The following RMC1 variants were observed in gnomAD, a reference collection of about 807,000 sequenced individuals.
RMC1 encodes the protein regulator of MON1-CCZ1 complex.
A neutral mutation model predicts 95.5 loss-of-function variants in RMC1; 44 were observed. The ratio of observed to expected loss-of-function variants is 0.46; its 90% CI spans 0.36 to 0.59. The LOEUF (loss-of-function observed/expected upper bound fraction) is 0.59, where lower values mean the gene tolerates loss of function less well. Among genes scored for constraint, RMC1 ranks in the 20% least tolerant of loss-of-function variants. RMC1 has a pLI of 0.00. For missense variants in RMC1, 705 were observed against 819.6 expected, an observed-to-expected ratio of 0.86 and a Z score of 1.71; for synonymous variants, 320 against 303.6, an observed-to-expected ratio of 1.05 and a Z score of -0.56.
At chr18:23,511,020 T>C (rs2057842159) in intron 5 of RMC1, among the ~76,000 whole-genome samples, 1 of 152,240 alleles carries the variant, frequency 6.6e-6, no homozygotes, top group African/African-American at 2.4e-5. Context: ...TAAAGGCACA[T>C]GCACGTGAAT....
intron 4 of RMC1, 93 bp downstream of exon 4, chr18:23,508,134 C>A: frequency 8.4e-7 from 1 of 1,186,408 alleles, no homozygotes; most frequent in Non-Finnish European, 1.2e-6. Flanking sequence ...GCAGGGAGCA[C>A]AGACTTGAAG....
At chr18:23,507,910 TGTA>T (rs2057754304) in intron 3 of RMC1, 72 bp from the exon 4 acceptor site, 2 of 1,345,106 alleles carry the variant, frequency 1.5e-6, no homozygotes, top group Admixed American at 2.1e-5. Flanking sequence ...TTTCTTGTCT[TGTA>T]GTATGCCAAC....
At position 23,516,432 on chromosome 18, in the gene RMC1, G is replaced by A. The variant is rs185178985; in HGVS notation, c.653+9G>A. On this transcript the variant is annotated intron_variant, in intron 7 of 19. Transcript: ENST00000269221. ...ATCGCAATGGCTACCATGTATGTCC[G>A]TGTCAGAGAGAATTCCATCCTGTGA... The A allele has an allele frequency of 3.8e-5, 61 of 1,611,632 alleles. No homozygotes were observed. The African/African-American group carries it at 5.5e-4, about 14-fold the overall frequency.
chr18:23,515,900 T>C lies in RMC1; in HGVS notation c.453T>C (p.Asn151=). The C allele has an allele frequency of 6.2e-7, 1 of 1,614,112 alleles. No individual in the cohort carries two copies. Among genetic ancestry groups the C allele is most frequent in the Non-Finnish European group, 8.5e-7 (1 of 1,180,012 alleles). The part of the protein sequence containing the change: ...KRSLKLLKSH[N]LNVNWYMYCP... Reference sequence around the variant, plus strand: ...GTCTGAAACTCTTGAAGAGCCACAATCTCAATGTGAATTGGTACATGTACT... The same window carrying C: ...GTCTGAAACTCTTGAAGAGCCACAACCTCAATGTGAATTGGTACATGTACT... The change falls in exon 6 of 20, where the codon AAT becomes AAC. Residue 151 remains asparagine (N), a synonymous_variant. Coordinates refer to ENST00000269221, the MANE Select transcript of RMC1 (RefSeq NM_013326.5).
chr18:23,510,289 C>T (rs1598849118), intron 5 of RMC1, among the ~76,000 whole-genome samples: 1 of 151,254 alleles, frequency 6.6e-6, no homozygotes, highest in African/African-American at 2.4e-5. Flanking sequence ...CACAGCACTG[C>T]ACTCCAGCCT....
chr18:23,503,740 C>T lies in RMC1; in HGVS notation c.102+20C>T, dbSNP rs375742767. ...AAGCAGGTCCGGCGCGCCCGCGCTT[C>T]CTCCCCCGCGCGGCCCTGCCGGGGT... On this transcript the variant is annotated intron_variant, in intron 1 of 19. Transcript: ENST00000269221. The T allele has an allele frequency of 1.4e-5, 22 of 1,578,296 alleles. No homozygotes were observed. In the African/African-American group the frequency reaches 1.6e-4, roughly 11 times the overall value.
intron 11 of RMC1, 53 bp from the exon 12 acceptor site, chr18:23,524,376 G>A (rs780004220): frequency 6.3e-7 from 1 of 1,599,072 alleles, no homozygotes; most frequent in Non-Finnish European, 8.6e-7. Context: ...CGGAAACTGG[G>A]TTTGCTTTTT....
chr18:23,505,484 A>G (rs1218147860), intron 2 of RMC1, among the ~76,000 whole-genome samples: 3 of 152,218 alleles, frequency 2.0e-5, no homozygotes, highest in Non-Finnish European at 2.9e-5. Flanking sequence ...TGGTGTGGCC[A>G]CTGGCAGGGG....
chr18:23,503,844 G>A (rs2057651643), intron 1 of RMC1, 124 bp downstream of exon 1: 1 of 804,928 alleles, frequency 1.2e-6, no homozygotes, highest in Non-Finnish European at 1.8e-6. Context: ...TCCCAGCGCG[G>A]GAGGCGGCGC....
At chr18:23,504,253 G>T (rs1280650359) in intron 1 of RMC1, 118 bp from the exon 2 acceptor site, 2 of 793,836 alleles carry the variant, frequency 2.5e-6, no homozygotes, top group African/African-American at 1.7e-5. Flanking sequence ...GATATGTGCC[G>T]TGTTACTTTA....
intron 12 of RMC1, among the ~76,000 whole-genome samples, chr18:23,525,187 C>G (rs1470017853): frequency 6.6e-6 from 1 of 151,818 alleles, no homozygotes; most frequent in Admixed American, 6.6e-5. Flanking sequence ...CTCAGGTGAT[C>G]CGCCTGCCTC....
At chr18:23,519,197 C>T (rs2145205782) in intron 9 of RMC1, 23 bp downstream of exon 9, 1 of 1,601,284 alleles carries the variant, frequency 6.2e-7, no homozygotes, top group South Asian at 1.1e-5. Context: ...TGCGTTTCTA[C>T]CAAAGTTAAG....
In RMC1 at chr18:23,527,888, A is replaced by G. The variant is rs2058352785; in HGVS notation, c.1283A>G (p.Gln428Arg). The G allele has an allele frequency of 1.2e-6, 2 of 1,613,890 alleles. No individual in the cohort carries two copies. The highest frequency in any genetic ancestry group is 1.3e-5 in the African/African-American group (1 of 75,046). The stretch of plus-strand genomic sequence containing the variant: ...TATAAAAAGTACCTGGATGCCGAGC[A>G]GAGTTATGCGATGGTGAGTTACATG... ...HEYKKYLDAE[Q>R]SYAMAVEAGQ... The change falls in exon 14 of 20, where the codon CAG becomes CGG. Residue 428 changes from glutamine to arginine, a missense_variant. Physicochemically the swap from Gln to Arg is conservative, Grantham distance 43. Coordinates refer to ENST00000269221, the MANE Select transcript of RMC1 (RefSeq NM_013326.5).
intron 3 of RMC1, 41 bp from the exon 4 acceptor site, chr18:23,507,944 C>A: frequency 6.3e-7 from 1 of 1,595,740 alleles, no homozygotes; most frequent in Admixed American, 1.7e-5. Flanking sequence ...AGTATGCTGC[C>A]TAATCCAAAT....
intron 5 of RMC1, among the ~76,000 whole-genome samples, chr18:23,515,362 G>A (rs1567919512): frequency 6.6e-6 from 1 of 152,136 alleles, no homozygotes; most frequent in Non-Finnish European, 1.5e-5. Context: ...CCTCTCAGTC[G>A]TGGCAAAGAG....
At chr18:23,511,725 T>C (rs983063147) in intron 5 of RMC1, among the ~76,000 whole-genome samples, 1 of 152,022 alleles carries the variant, frequency 6.6e-6, no homozygotes, top group Non-Finnish European at 1.5e-5. Flanking sequence ...AGTATTCCAC[T>C]GTATGGATGG....
intron 6 of RMC1, 54 bp downstream of exon 6, chr18:23,516,050 C>G: frequency 6.2e-7 from 1 of 1,611,022 alleles, no homozygotes; most frequent in Non-Finnish European, 8.5e-7. Context: ...TCCCCTGTTC[C>G]TGTAGCATCC....
chr18:23,509,165 A>T, intron 4 of RMC1, 28 bp from the exon 5 acceptor site: 1 of 980,550 alleles, frequency 1.0e-6, no homozygotes, highest in Non-Finnish European at 1.4e-6. Context: ...CTTATTAATT[A>T]AAAATATTTT....
chr18:23,531,264 C>T (rs1226912179), intron 19 of RMC1, among the ~76,000 whole-genome samples: 1 of 152,150 alleles, frequency 6.6e-6, no homozygotes, highest in Non-Finnish European at 1.5e-5. Flanking sequence ...GCTGGGATTA[C>T]AGGTTTGAGC....
Sources: gnomAD v4.1 joint callset for allele counts (sites outside exome capture counted in the v4.1 genomes callset) on GRCh38, gnomAD v4.1.1 for gene constraint, MANE v1.5 for transcripts, NCBI Gene and HGNC (gene_info 2026-07-23, HGNC 2026-07-21) for gene names.